Variants in USH2A observed in about 807,000 individuals in gnomAD.
USH2A encodes usherin.
A neutral mutation model predicts 538.9 loss-of-function variants in USH2A; 443 were observed. The ratio of observed to expected loss-of-function variants is 0.82; its 90% CI spans 0.76 to 0.89. The LOEUF (loss-of-function observed/expected upper bound fraction) is 0.89. Ranked by LOEUF, USH2A falls within the 40% of genes least tolerant of loss-of-function variation. USH2A has a pLI of 0.00. For missense variants in USH2A, 6,633 were observed against 6,324.8 expected, an observed-to-expected ratio of 1.05 and a Z score of -1.65; for synonymous variants, 2,413 against 2,273.5, an observed-to-expected ratio of 1.06 and a Z score of -1.75.
chr1:216,312,706 A>G (rs920324314), intron 9 of USH2A, among the ~76,000 whole-genome samples: 2 of 151,890 alleles, frequency 1.3e-5, no homozygotes, highest in Non-Finnish European at 2.9e-5. Flanking sequence ...TACTTTTTCC[A>G]TTAGAGCCTT....
chr1:215,805,088 A>G (rs1216083221), intron 49 of USH2A, among the ~76,000 whole-genome samples: 2 of 152,094 alleles, frequency 1.3e-5, no homozygotes, highest in Admixed American at 1.3e-4. Flanking sequence ...GAACAATGAG[A>G]ACACATGGAC....
intron 4 of USH2A, among the ~76,000 whole-genome samples, chr1:216,343,053 C>T (rs1336511118): frequency 6.6e-6 from 1 of 151,776 alleles, no homozygotes; most frequent in Non-Finnish European, 1.5e-5. Flanking sequence ...GAAATAAAAA[C>T]AAATCAAGTT....
chr1:215,877,889 A>G lies in USH2A; in HGVS notation c.8559-9T>C, dbSNP rs2102450839. On this transcript the variant is annotated splice_polypyrimidine_tract_variant and intron_variant, in intron 42 of 71. Transcript: ENST00000307340. ...GTCTCAGAAGCTCATATCTAAAGCA[A>G]AAGACAAGCAGGAACATCAGGATTA... The G allele has an allele frequency of 6.2e-7, 1 of 1,613,554 alleles. No individual in the cohort carries two copies. Among genetic ancestry groups the G allele is most frequent in the Non-Finnish European group, 8.5e-7 (1 of 1,179,560 alleles).
Position 215,674,919 on chromosome 1 carries a change from T to C in USH2A, c.12992A>G (p.Tyr4331Cys), listed in dbSNP as rs1423233510. 1.2e-6 allele frequency: 2 copies of C among 1,614,002 alleles called. No individual in the cohort carries two copies. The highest frequency in any genetic ancestry group is 2.2e-5 in the East Asian group (1 of 44,890). Residue 4331 changes from tyrosine (Y) to cysteine (C), a missense_variant, in exon 63 of 72, where the codon TAT (tyrosine) becomes TGT (cysteine). Physicochemically the swap from Tyr to Cys is radical, Grantham distance 194. Transcript: ENST00000307340. ...EELLPFSTYS[Y>C]ALQACTSGGC... ...TCCACTCGTGCAGGCTTGGAGTGCA[T>C]AGCTATAGGTGGAAAAAGGAAGAAG...
chr1:215,808,600 T>A (rs1482654248), intron 49 of USH2A, among the ~76,000 whole-genome samples: 1 of 152,096 alleles, frequency 6.6e-6, no homozygotes, highest in Admixed American at 6.6e-5. Context: ...TCCCATCCAT[T>A]ACCCTTGGCA....
Position 216,259,568 on chromosome 1 carries a change from C to A in USH2A, c.1972-8470G>T, listed in dbSNP as rs556307191. ...TTCTGCTTTCTGACAAAGGATCCAA[C>A]TTATTAGAATTGATGCATTCAAAGA... is the stretch of plus-strand genomic sequence containing the variant. On this transcript the variant is annotated intron_variant, in intron 11 of 71. Transcript: ENST00000307340. Among the ~76,000 whole-genome samples the A allele has an allele frequency of 1.8e-4, 27 of 152,072 alleles. No homozygotes were observed. In the South Asian group the frequency reaches 2.3e-3, roughly 13 times the overall value.
chr1:216,174,531 AT>A, intron 21 of USH2A: 2 of 984,480 alleles, frequency 2.0e-6, no homozygotes, highest in Non-Finnish European at 2.4e-6. Flanking sequence ...TTTTGATAAT[AT>A]TTTTATAGTG....
chr1:215,822,507 C>G (rs193164031), intron 47 of USH2A, among the ~76,000 whole-genome samples: 1 of 151,986 alleles, frequency 6.6e-6, no homozygotes, highest in Non-Finnish European at 1.5e-5. Context: ...TTCATCAGTT[C>G]TAACAGGTTT....
intron 8 of USH2A, 22 bp from the exon 9 acceptor site, chr1:216,321,998 A>G (rs1347929947): frequency 1.2e-6 from 2 of 1,611,264 alleles, no homozygotes; most frequent in Admixed American, 1.7e-5. Flanking sequence ...AGCATCACAC[A>G]CTCCTAAGGA....
intron 58 of USH2A, 51 bp downstream of exon 58, chr1:215,758,544 T>C: frequency 2.5e-6 from 4 of 1,576,604 alleles, no homozygotes; most frequent in Middle Eastern, 4.4e-4. Flanking sequence ...CTCTAATTAA[T>C]TCCTTTAAAA....
At chr1:215,881,259 G>GC (rs1664899112) in intron 41 of USH2A, among the ~76,000 whole-genome samples, 2 of 152,290 alleles carry the variant, frequency 1.3e-5, no homozygotes, top group Admixed American at 1.3e-4. Context: ...TCCTGCTTCA[G>GC]CCCCCTGAGT....
At chr1:216,057,430 T>A (rs769852982) in intron 30 of USH2A, among the ~76,000 whole-genome samples, 3 of 152,132 alleles carry the variant, frequency 2.0e-5, no homozygotes, top group Non-Finnish European at 4.4e-5. Context: ...CTGAAGCAGG[T>A]GGATCACCTG....
intron 55 of USH2A, among the ~76,000 whole-genome samples, chr1:215,770,093 T>C (rs2102751067): frequency 6.6e-6 from 1 of 152,336 alleles, no homozygotes; most frequent in East Asian, 1.9e-4. Context: ...CTGTTCCTGC[T>C]TTTTATAACA....
At chr1:215,765,341 AT>A (rs1661096179) in intron 56 of USH2A, among the ~76,000 whole-genome samples, 1 of 152,118 alleles carries the variant, frequency 6.6e-6, no homozygotes, top group African/African-American at 2.4e-5. Flanking sequence ...TCATTAGTGA[AT>A]TCCTGGTGAG....
At chr1:215,760,025 TTTGAA>T (rs1242589327) in intron 56 of USH2A, among the ~76,000 whole-genome samples, 182 bp from the exon 57 acceptor site, 2 of 152,190 alleles carry the variant, frequency 1.3e-5, no homozygotes, top group African/African-American at 4.8e-5. Context: ...TTATTTTATT[TTTGAA>T]TTGCCTTTGG....
intron 3 of USH2A, among the ~76,000 whole-genome samples, chr1:216,371,720 T>C (rs771459672): frequency 6.6e-6 from 1 of 152,200 alleles, no homozygotes; most frequent in Non-Finnish European, 1.5e-5. Context: ...CTAACATTTA[T>C]GTCATTTGCA....
At chr1:216,217,818 T>A (rs551411002) in intron 14 of USH2A, among the ~76,000 whole-genome samples, 2 of 152,250 alleles carry the variant, frequency 1.3e-5, no homozygotes, top group Non-Finnish European at 2.9e-5. Context: ...ATTATATTGC[T>A]TTTTTACATC....
At position 216,204,887 on chromosome 1, in the gene USH2A, G is replaced by T. The variant is rs376713013; in HGVS notation, c.3316+2386C>A. Reference sequence around the variant, plus strand: ...CAGTGATTGTCAAGAAATGCCAGAAGTGGCATTTTTTAATGAAAAATATGG... The same window carrying T: ...CAGTGATTGTCAAGAAATGCCAGAATTGGCATTTTTTAATGAAAAATATGG... On this transcript the variant is annotated intron_variant, in intron 16 of 71. Transcript: ENST00000307340. 9.9e-5 allele frequency among the ~76,000 whole-genome samples: 15 copies of T among 152,248 alleles called. 1 individual carries two copies. The highest frequency in any genetic ancestry group is 3.9e-4 in the Admixed American group (6 of 15,292).
At chr1:216,157,763 G>A (rs368581821) in intron 21 of USH2A, among the ~76,000 whole-genome samples, 40 of 152,144 alleles carry the variant, frequency 2.6e-4, no homozygotes, top group African/African-American at 9.2e-4. Context: ...GCTAAACATT[G>A]AGCACACATG....
Sources: gnomAD v4.1 joint callset for allele counts (sites outside exome capture counted in the v4.1 genomes callset) on GRCh38, gnomAD v4.1.1 for gene constraint, MANE v1.5 for transcripts, NCBI Gene and HGNC (gene_info 2026-07-23, HGNC 2026-07-21) for gene names.